The following DOCK1 variants were observed in gnomAD, a reference collection of about 807,000 sequenced individuals.
DOCK1 encodes dedicator of cytokinesis protein 1.
DOCK1 carries 138 observed loss-of-function variants against 262.7 expected under a neutral mutation model. The ratio of observed to expected loss-of-function variants is 0.53; its 90% confidence interval spans 0.46 to 0.61. The LOEUF (loss-of-function observed/expected upper bound fraction) is 0.61. DOCK1 is among the 20% of genes least tolerant of loss of function. DOCK1 has a pLI of 0.00. For synonymous variants in DOCK1, 866 were observed against 867.4 expected, an observed-to-expected ratio of 1.00 and a Z score of 0.03; for missense variants, 1,908 against 2,370.7, an observed-to-expected ratio of 0.80 and a Z score of 4.05.
At chr10:127,377,188 C>A (rs534830698) in intron 35 of DOCK1, among the ~76,000 whole-genome samples, 6 of 152,234 alleles carry the variant, frequency 3.9e-5, no homozygotes, top group South Asian at 2.1e-4. Flanking sequence ...GAAAATAAAT[C>A]TGTGGAATAA....
At chr10:127,410,154 C>T (rs2067758200) in intron 42 of DOCK1, among the ~76,000 whole-genome samples, 1 of 152,148 alleles carries the variant, frequency 6.6e-6, no homozygotes, top group Non-Finnish European at 1.5e-5. Flanking sequence ...TTTCTTTGAC[C>T]TTGCATCAGC....
At chr10:126,968,749 G>A (rs1262153528) in intron 1 of DOCK1, among the ~76,000 whole-genome samples, 12 of 152,160 alleles carry the variant, frequency 7.9e-5, no homozygotes, top group Admixed American at 3.9e-4. Context: ...GAAGGTTTAC[G>A]AATACGGTCA....
intron 2 of DOCK1, among the ~76,000 whole-genome samples, chr10:126,972,707 A>G (rs1358597838): frequency 6.6e-6 from 1 of 151,578 alleles, no homozygotes; most frequent in Non-Finnish European, 1.5e-5. Context: ...CTCCTGGTAG[A>G]CTCCTCTGAG....
At chr10:126,934,797 A>T (rs1238832429) in intron 1 of DOCK1, among the ~76,000 whole-genome samples, 1 of 134,896 alleles carries the variant, frequency 7.4e-6, no homozygotes, top group South Asian at 2.3e-4. Context: ...CCCTGTGCAC[A>T]TAGGGTAACA....
intron 32 of DOCK1, 130 bp from the exon 33 acceptor site, chr10:127,361,934 A>G: frequency 2.8e-6 from 3 of 1,059,700 alleles, no homozygotes; most frequent in Non-Finnish European, 4.0e-6. Flanking sequence ...CAGACGCGAA[A>G]TGGATGCACA....
chr10:127,204,787 G>A (rs553625353), intron 27 of DOCK1, among the ~76,000 whole-genome samples: 4 of 152,288 alleles, frequency 2.6e-5, no homozygotes, highest in South Asian at 4.2e-4. Flanking sequence ...GGTTGAGTAG[G>A]TAAGAAGTAA....
At chr10:126,985,246 G>C (rs2039296572) in intron 4 of DOCK1, among the ~76,000 whole-genome samples, 1 of 152,132 alleles carries the variant, frequency 6.6e-6, no homozygotes, top group African/African-American at 2.4e-5. Flanking sequence ...CTCCCGAAGT[G>C]TTGTGATTAC....
At chr10:127,017,494 C>T (rs1435256824) in intron 12 of DOCK1, among the ~76,000 whole-genome samples, 1 of 124,732 alleles carries the variant, frequency 8.0e-6, no homozygotes, top group African/African-American at 3.2e-5. Flanking sequence ...GACACAGATA[C>T]ACAGAGACAC....
chr10:127,260,060 T>C (rs1224299688), intron 29 of DOCK1, among the ~76,000 whole-genome samples: 1 of 152,138 alleles, frequency 6.6e-6, no homozygotes, highest in East Asian at 1.9e-4. Flanking sequence ...GGTGGCTTGA[T>C]CCACATTCCT....
chr10:127,113,319 G>A (rs1293318511), intron 25 of DOCK1, among the ~76,000 whole-genome samples: 1 of 152,182 alleles, frequency 6.6e-6, no homozygotes, highest in Admixed American at 6.5e-5. Flanking sequence ...TGTTCAGAAT[G>A]TGTCACTGTA....
At chr10:127,023,734 G>A (rs1291642668) in intron 14 of DOCK1, among the ~76,000 whole-genome samples, 4 of 151,854 alleles carry the variant, frequency 2.6e-5, no homozygotes, top group Admixed American at 6.6e-5. Context: ...CACAGTGCCC[G>A]AGCAGGTCCC....
chr10:127,190,730 G>A (rs913290412), intron 27 of DOCK1, among the ~76,000 whole-genome samples: 6 of 119,202 alleles, frequency 5.0e-5, no homozygotes, highest in East Asian at 2.7e-4. Flanking sequence ...ATCCCCCACC[G>A]CCTTGCTGGC....
intron 23 of DOCK1, among the ~76,000 whole-genome samples, chr10:127,098,350 C>T (rs2048028498): frequency 1.3e-5 from 2 of 152,178 alleles, no homozygotes; most frequent in Admixed American, 6.5e-5. Flanking sequence ...TGGAAGTTTG[C>T]ACCGAATGAA....
chr10:127,033,230 C>G (rs905471006), intron 18 of DOCK1, among the ~76,000 whole-genome samples: 1 of 147,932 alleles, frequency 6.8e-6, no homozygotes, highest in Non-Finnish European at 1.5e-5. Context: ...TCTAGCCCTA[C>G]TCGTGCTGTG....
At chr10:127,187,615 A>T (rs11016696) in intron 27 of DOCK1, among the ~76,000 whole-genome samples, 278 of 152,268 alleles carry the variant, frequency 1.8e-3, no homozygotes, top group Non-Finnish European at 3.0e-3. Context: ...TCCTACAGGA[A>T]GGAGGTAAAC....
At position 127,237,778 on chromosome 10, in the gene DOCK1, A is replaced by G. The variant is rs111817633; in HGVS notation, c.2848-10230A>G. ...TACCTCCTTTTTAGAATTCCCTGGC[A>G]GTCTGTAATAACTCCCTTTTATAAT... On this transcript the variant is annotated intron_variant, in intron 27 of 51. Coordinates refer to ENST00000623213, the MANE Select transcript of DOCK1 (RefSeq NM_001290223.2). 7.2e-5 allele frequency among the ~76,000 whole-genome samples: 11 copies of G among 152,322 alleles called. 1 individual carries two copies. Among genetic ancestry groups the G allele is most frequent in the African/African-American group, 2.6e-4 (11 of 41,560 alleles).
chr10:127,008,833 C>G, intron 11 of DOCK1, 29 bp downstream of exon 11: 1 of 1,542,128 alleles, frequency 6.5e-7, no homozygotes, highest in Non-Finnish European at 8.9e-7. Flanking sequence ...AAGTACTTAG[C>G]CAGATATAAT....
intron 21 of DOCK1, 90 bp downstream of exon 21, chr10:127,043,254 G>A (rs748192402): frequency 1.0e-6 from 1 of 1,002,626 alleles, no homozygotes; most frequent in Non-Finnish European, 1.5e-6. Flanking sequence ...GTCTATGACT[G>A]TGTATTTACT....
intron 6 of DOCK1, among the ~76,000 whole-genome samples, chr10:126,992,332 TAAGG>T (rs1233429816): frequency 1.3e-5 from 2 of 152,170 alleles, no homozygotes; most frequent in Non-Finnish European, 2.9e-5. Context: ...AAAATCTAGT[TAAGG>T]AAGGAAGTGT....
Sources: gnomAD v4.1 joint callset for allele counts (sites outside exome capture counted in the v4.1 genomes callset) on GRCh38, gnomAD v4.1.1 for gene constraint, MANE v1.5 for transcripts, NCBI Gene and HGNC (gene_info 2026-07-23, HGNC 2026-07-21) for gene names.